IKZF1: variants seen among roughly 807,000 people sequenced by gnomAD.
IKZF1 encodes DNA-binding protein Ikaros.
In IKZF1, 10 loss-of-function variants were observed where a neutral mutation model predicts 51.7. That is an observed-to-expected ratio of 0.19 (90% CI 0.12 to 0.33). IKZF1 has a LOEUF of 0.33. IKZF1 is among the 10% of genes least tolerant of loss of function. The probability of loss-of-function intolerance (pLI) is 1.00; values close to 1 mark genes in which losing one functional copy is unlikely to be tolerated. For synonymous variants in IKZF1, 280 were observed against 282.3 expected (o/e 0.99, Z 0.08); for missense variants, 484 against 707.5 (o/e 0.68, Z 3.58).
chr7:50,379,155 G>C (rs1228432524), intron 4 of IKZF1, among the ~76,000 whole-genome samples: 1 of 152,218 alleles, frequency 6.6e-6, no homozygotes, highest in Non-Finnish European at 1.5e-5. Flanking sequence ...CAAGCTCCCA[G>C]CTTGTGGAGC....
chr7:50,385,792 C>T (rs1813213765), intron 5 of IKZF1, among the ~76,000 whole-genome samples: 1 of 152,170 alleles, frequency 6.6e-6, no homozygotes, highest in African/African-American at 2.4e-5. Context: ...AAGCAATGCT[C>T]AATAAAATGT....
intron 3 of IKZF1, among the ~76,000 whole-genome samples, chr7:50,355,481 T>C (rs930194974): frequency 2.0e-5 from 3 of 152,204 alleles, no homozygotes; most frequent in African/African-American, 4.8e-5. Context: ...TGCCCCGCTC[T>C]GCAGGGCCAC....
At chr7:50,397,794 C>T (rs1000135511) in intron 7 of IKZF1, among the ~76,000 whole-genome samples, 17 of 152,292 alleles carry the variant, frequency 1.1e-4, no homozygotes, top group African/African-American at 3.6e-4. Flanking sequence ...TCTTTGGTCC[C>T]TACCATCAGC....
At chr7:50,329,278 C>T (rs1173693754) in intron 3 of IKZF1, among the ~76,000 whole-genome samples, 2 of 151,352 alleles carry the variant, frequency 1.3e-5, no homozygotes, top group East Asian at 3.9e-4. Flanking sequence ...ATTATTTTAC[C>T]CTATTGGAAA....
chr7:50,318,276 T>C (rs1289657070), intron 1 of IKZF1: 2 of 231,316 alleles, frequency 8.6e-6, no homozygotes, highest in African/African-American at 4.4e-5. Flanking sequence ...AAGGGCAGCA[T>C]CTTCCCAGTT....
chr7:50,353,569 G>A (rs1802432424), intron 3 of IKZF1, among the ~76,000 whole-genome samples: 1 of 152,242 alleles, frequency 6.6e-6, no homozygotes, highest in Non-Finnish European at 1.5e-5. Flanking sequence ...CAGTGATGCA[G>A]GAGAGGACAT....
rs1818645065 is a variant in IKZF1, at chr7:50,404,380, T to C, written c.*3753T>C. On this transcript the variant is annotated 3_prime_UTR_variant, in exon 8 of 8. Transcript: ENST00000331340. ...ACTGGAGGAATAGAGTATCCTTTTG[T>C]ACACATTTTGAAATGCTTCTTCTGT... 8.8e-6 allele frequency: 2 copies of C among 226,864 alleles called. No individual in the cohort carries two copies. Among genetic ancestry groups the C allele is most frequent in the Non-Finnish European group, 1.8e-5 (2 of 113,974 alleles). 14.1% of individuals were successfully genotyped at this position (226,864 alleles called of 1,614,324 possible).
intron 3 of IKZF1, chr7:50,367,813 T>C (rs984142022): frequency 7.0e-6 from 4 of 568,198 alleles, no homozygotes; most frequent in African/African-American, 5.6e-5. Flanking sequence ...CCTGAGGGGA[T>C]TGTGGTCCTG....
intron 3 of IKZF1, among the ~76,000 whole-genome samples, chr7:50,341,537 G>A (rs1411419213): frequency 2.0e-5 from 3 of 152,146 alleles, no homozygotes; most frequent in Admixed American, 6.5e-5. Context: ...CATTGTTTGA[G>A]GGACAGAGGT....
At chr7:50,354,036 C>T (rs959818088) in intron 3 of IKZF1, among the ~76,000 whole-genome samples, 1 of 152,138 alleles carries the variant, frequency 6.6e-6, no homozygotes, top group African/African-American at 2.4e-5. Context: ...CTGGAGGGCG[C>T]TGATTTGTGT....
intron 3 of IKZF1, chr7:50,368,924 A>G (rs908699172): frequency 9.0e-6 from 2 of 221,258 alleles, no homozygotes; most frequent in Non-Finnish European, 1.8e-5. Flanking sequence ...ACAGTTAAAG[A>G]CAGGTGTCTG....
At chr7:50,339,991 G>C (rs1190058309) in intron 3 of IKZF1, among the ~76,000 whole-genome samples, 1 of 152,146 alleles carries the variant, frequency 6.6e-6, no homozygotes, top group African/African-American at 2.4e-5. Context: ...AGAAATTTCT[G>C]TTGACTTCCT....
At position 50,404,485 on chromosome 7, in the gene IKZF1, G is replaced by C. The variant is rs749859255; in HGVS notation, c.*3858G>C. On this transcript the variant is annotated 3_prime_UTR_variant, in exon 8 of 8. Coordinates refer to ENST00000331340, the MANE Select transcript of IKZF1 (RefSeq NM_006060.6). ...CCACACTGGCGTAAGAGAAGGCCCA[G>C]CAGAGCAGGAATCTGCCTAGACTTT... 1 of 229,680 alleles carries C rather than the reference G, an allele frequency of 4.4e-6. No individual in the cohort carries two copies. The highest frequency in any genetic ancestry group is 8.6e-6 in the Non-Finnish European group (1 of 115,812). The allele number at this position is 229,680 out of a possible 1,614,324, so 14.2% of individuals were successfully genotyped here.
rs1056863025 is a variant in IKZF1, at chr7:50,402,675, G to A, written c.*2048G>A. The A allele has an allele frequency of 2.3e-5, 5 of 220,324 alleles. No individual in the cohort carries two copies. The East Asian group carries it at 2.5e-4, about 11-fold the overall frequency. The allele number at this position is 220,324 out of a possible 1,614,324, so 13.6% of individuals were successfully genotyped here. On this transcript the variant is annotated 3_prime_UTR_variant, in exon 8 of 8. Transcript: ENST00000331340. ...TTCTATAAATCAATTATTCCCCTTC[G>A]GTCTTAAAAATATATTTCCTCATAA...
intron 5 of IKZF1, among the ~76,000 whole-genome samples, chr7:50,386,446 T>G (rs904707631): frequency 5.3e-5 from 8 of 152,244 alleles, no homozygotes; most frequent in Admixed American, 5.2e-4. Flanking sequence ...ACAGCACTAA[T>G]AGAGAGCATT....
In IKZF1 at chr7:50,327,693, G is replaced by A. The variant is rs760835849; in HGVS notation, c.96G>A (p.Pro32=). The A allele has an allele frequency of 2.3e-5, 37 of 1,613,498 alleles. No individual in the cohort carries two copies. The highest frequency in any genetic ancestry group is 8.0e-5 in the African/African-American group (6 of 74,906). ...DTPDEGDEPM[P]IPEDLSTTSG... is the part of the protein sequence containing the mutation. ...CAGATGAGGGCGATGAGCCCATGCCGATCCCCGAGGACCTCTCCACCACCT... is the reference window on the plus strand; with the variant it reads ...CAGATGAGGGCGATGAGCCCATGCCAATCCCCGAGGACCTCTCCACCACCT... The change falls in exon 3 of 8, where the codon CCG becomes CCA. Residue 32 remains proline (P), a synonymous_variant. Transcript: ENST00000331340.
At chr7:50,398,679 G>A (rs1256559724) in intron 7 of IKZF1, among the ~76,000 whole-genome samples, 2 of 152,168 alleles carry the variant, frequency 1.3e-5, no homozygotes, top group African/African-American at 2.4e-5. Flanking sequence ...CTTACTCACT[G>A]TTCTGTCCCT....
intron 6 of IKZF1, among the ~76,000 whole-genome samples, chr7:50,388,071 G>A (rs974722565): frequency 1.3e-5 from 2 of 152,124 alleles, no homozygotes; most frequent in African/African-American, 4.8e-5. Flanking sequence ...ATTGCATAAC[G>A]AGATAGCACT....
rs150333379 is a variant in IKZF1 at position 50,398,919 on chromosome 7, T to A, written c.851-999T>A. 1.9e-3 allele frequency among the ~76,000 whole-genome samples: 293 copies of A among 152,350 alleles called. 1 individual carries two copies. The highest frequency in any genetic ancestry group is 6.8e-3 in the African/African-American group (284 of 41,586). ...ACTTATGACCAACATATTGAGAAGGTGTGTCTTCAAGAAAATTTATTTTTT... is the reference window on the plus strand; with the variant it reads ...ACTTATGACCAACATATTGAGAAGGAGTGTCTTCAAGAAAATTTATTTTTT... On this transcript the variant is annotated intron_variant, in intron 7 of 7. Transcript: ENST00000331340.
Sources: allele counts gnomAD v4.1 joint callset (sites outside exome capture counted in the v4.1 genomes callset), GRCh38; gene constraint gnomAD v4.1.1; transcripts MANE v1.5; gene names NCBI Gene and HGNC (gene_info 2026-07-23, HGNC 2026-07-21).